THSD1: variants seen among roughly 807,000 people sequenced by gnomAD.
THSD1 encodes thrombospondin type 1 domain containing 1.
In THSD1, 34 loss-of-function variants were observed where a neutral mutation model predicts 46.3. That is an observed-to-expected ratio of 0.74 (90% CI 0.56 to 0.98). The LOEUF (loss-of-function observed/expected upper bound fraction) is 0.98, where lower values mean the gene tolerates loss of function less well. Among genes scored for constraint, THSD1 ranks in the 50% least tolerant of loss-of-function variants. THSD1 has a pLI of 0.00. For missense variants in THSD1, 1,023 were observed against 1,058.3 expected (o/e 0.97, Z 0.46); for synonymous variants, 407 against 416.5 (o/e 0.98, Z 0.28).
chr13:52,397,563 G>C lies in THSD1; in HGVS notation c.690C>G (p.Ser230=). The C allele has an allele frequency of 6.2e-7, 1 of 1,614,042 alleles. No individual in the cohort carries two copies. The highest frequency in any genetic ancestry group is 2.2e-5 in the East Asian group (1 of 44,878). ...KLLGRDSVIT[S]TGPIDLAQKF... is the part of the protein sequence containing the mutation. The stretch of plus-strand genomic sequence containing the variant: ...TCTGGGCCAGGTCAATGGGTCCTGT[G>C]GAGGTAATGACTGAGTCTCGCCCAA... Residue 230 remains serine, a synonymous_variant, in exon 3 of 5, where the codon TCC becomes TCG. Transcript: ENST00000258613.
chr13:52,381,569 T>A (rs1214957136), intron 4 of THSD1, among the ~76,000 whole-genome samples: 2 of 152,160 alleles, frequency 1.3e-5, no homozygotes, highest in African/African-American at 4.8e-5. Context: ...CTCTGCCCCA[T>A]AAACTTATTA....
chr13:52,394,005 T>C (rs1957792256), intron 3 of THSD1, among the ~76,000 whole-genome samples: 1 of 152,162 alleles, frequency 6.6e-6, no homozygotes, highest in Non-Finnish European at 1.5e-5. Flanking sequence ...ATTGTTCTAA[T>C]GTGTCTCGCA....
In THSD1 at chr13:52,398,079, A is replaced by G. The variant is rs773940068; in HGVS notation, c.174T>C (p.Asn58=). 11 of 1,614,056 alleles carry G rather than the reference A, an allele frequency of 6.8e-6. No individual in the cohort carries two copies. Among genetic ancestry groups the G allele is most frequent in the Non-Finnish European group, 9.3e-6 (11 of 1,180,036 alleles). Residue 58 remains asparagine (N), a synonymous_variant, in exon 3 of 5, where the codon AAT becomes AAC. Coordinates refer to ENST00000258613, the MANE Select transcript of THSD1 (RefSeq NM_018676.4). The stretch of plus-strand genomic sequence containing the variant: ...TGGCCTCCAACAGCAGGACAGATAC[A>G]TTCCTCAGTGTCCCATTAGCACCAT... ...YFDGANGTLR[N]VSVLLLEANT...
In THSD1 at chr13:52,377,771, C is replaced by G; in HGVS notation, c.2199G>C (p.Gln733His). 6.2e-7 allele frequency: 1 copy of G among 1,614,158 alleles called. No individual in the cohort carries two copies. The highest frequency in any genetic ancestry group is 8.5e-7 in the Non-Finnish European group (1 of 1,180,038). The part of the protein sequence containing the change: ...NPLPKSYTLG[Q>H]PLRKPDLGDH... Reference sequence around the variant, plus strand: ...CCCCAAGGTCTGGTTTCCTCAAGGGCTGCCCCAAAGTGTAGGATTTAGGGA... The same window carrying G: ...CCCCAAGGTCTGGTTTCCTCAAGGGGTGCCCCAAAGTGTAGGATTTAGGGA... Residue 733 changes from glutamine (Q) to histidine (H), a missense_variant, in exon 5 of 5, where the codon CAG (glutamine) becomes CAC (histidine). Physicochemically the swap from Gln to His is conservative, Grantham distance 24 (BLOSUM62 0). Transcript: ENST00000258613.
Position 52,377,666 on chromosome 13 carries a change from C to G in THSD1, c.2304G>C (p.Lys768Asn), listed in dbSNP as rs1292123599. ...RARRGPSPSH[K>N]SVSRKQSSPI... ...GAGAAGACTGCTTCCTTGAGACACT[C>G]TTGTGACTGGGGGACGGTCCCCGAC... Residue 768 changes from lysine to asparagine, a missense_variant, in exon 5 of 5, where the codon AAG becomes AAC. Around this residue, in one of 3 missense-constraint regions of THSD1, gnomAD observed 578 missense variants for 497.4 expected, o/e 1.16. Transcript: ENST00000258613. The G allele has an allele frequency of 6.2e-7, 1 of 1,610,104 alleles. No homozygotes were observed. The highest frequency in any genetic ancestry group is 2.2e-5 in the East Asian group (1 of 44,756).
At position 52,378,668 on chromosome 13, in the gene THSD1, C is replaced by T. The variant is rs751283275; in HGVS notation, c.1302G>A (p.Thr434=). Residue 434 remains threonine, a synonymous_variant, in exon 5 of 5, where the codon ACG becomes ACA. Coordinates refer to ENST00000258613, the MANE Select transcript of THSD1 (RefSeq NM_018676.4). The part of the protein sequence containing the change: ...LFIIIATVLI[T]LWRRFGRPAK... ...CTGGCCGGCCGAACCTCCTCCACAGCGTGATGAGCACAGTGGCAATGATGA... is the reference window on the plus strand; with the variant it reads ...CTGGCCGGCCGAACCTCCTCCACAGTGTGATGAGCACAGTGGCAATGATGA... The T allele has an allele frequency of 3.1e-6, 5 of 1,614,032 alleles. No individual in the cohort carries two copies. In the East Asian group the frequency reaches 6.7e-5, roughly 22 times the overall value.
intron 3 of THSD1, among the ~76,000 whole-genome samples, chr13:52,392,520 G>A (rs912577683): frequency 6.6e-6 from 1 of 152,198 alleles, no homozygotes; most frequent in Admixed American, 6.5e-5. Context: ...CTTCACGAAT[G>A]AAAAGCTGTT....
intron 4 of THSD1, among the ~76,000 whole-genome samples, chr13:52,383,529 G>GTAA (rs1957707713): frequency 6.6e-6 from 1 of 152,312 alleles, no homozygotes; most frequent in East Asian, 1.9e-4. Context: ...ATGACAGTGG[G>GTAA]TAGCAGCATT....
intron 2 of THSD1, 105 bp downstream of exon 2, chr13:52,402,438 C>A: frequency 8.9e-7 from 1 of 1,120,712 alleles, no homozygotes; most frequent in Non-Finnish European, 1.3e-6. Flanking sequence ...CACTATATAC[C>A]CTACCCTGCC....
At chr13:52,382,067 T>G (rs978025781) in intron 4 of THSD1, among the ~76,000 whole-genome samples, 19 of 152,220 alleles carry the variant, frequency 1.2e-4, no homozygotes, top group Admixed American at 3.3e-4. Flanking sequence ...TTATGTAATT[T>G]AGAGAGAAGA....
At chr13:52,381,243 T>G (rs1003592230) in intron 4 of THSD1, among the ~76,000 whole-genome samples, 5 of 152,174 alleles carry the variant, frequency 3.3e-5, no homozygotes, top group African/African-American at 1.2e-4. Context: ...TGACCTCTAA[T>G]ACTGAGCTAT....
chr13:52,388,803 T>C (rs542823418), intron 3 of THSD1, among the ~76,000 whole-genome samples: 2 of 152,002 alleles, frequency 1.3e-5, no homozygotes, highest in Non-Finnish European at 2.9e-5. Flanking sequence ...TAATAGCATA[T>C]ATAAAGTAAA....
Position 52,377,773 on chromosome 13 carries a change from G to C in THSD1, c.2197C>G (p.Gln733Glu), listed in dbSNP as rs773298249. Residue 733 changes from glutamine (Q) to glutamate (E), a missense_variant, in exon 5 of 5, where the codon CAG becomes GAG. Gln to Glu is a conservative substitution (Grantham distance 29). Coordinates refer to ENST00000258613, the MANE Select transcript of THSD1 (RefSeq NM_018676.4). ...CCAAGGTCTGGTTTCCTCAAGGGCT[G>C]CCCCAAAGTGTAGGATTTAGGGAGA... is the stretch of plus-strand genomic sequence containing the variant. ...NPLPKSYTLG[Q>E]PLRKPDLGDH... 3.1e-6 allele frequency: 5 copies of C among 1,614,170 alleles called. No individual in the cohort carries two copies. Among genetic ancestry groups the C allele is most frequent in the Non-Finnish European group, 3.4e-6 (4 of 1,180,036 alleles).
intron 1 of THSD1, among the ~76,000 whole-genome samples, chr13:52,405,327 C>G (rs920855683): frequency 6.6e-5 from 10 of 152,204 alleles, no homozygotes; most frequent in Admixed American, 5.9e-4. Flanking sequence ...ATGAATTACA[C>G]TAATGTCCAT....
At chr13:52,401,735 C>T (rs1957864380) in intron 2 of THSD1, among the ~76,000 whole-genome samples, 1 of 152,196 alleles carries the variant, frequency 6.6e-6, no homozygotes, top group South Asian at 2.1e-4. Context: ...GGCTCTGGTC[C>T]ATTTAACCAG....
At chr13:52,402,740 T>A (rs1246323260) in intron 1 of THSD1, 59 bp from the exon 2 acceptor site, 11 of 1,425,282 alleles carry the variant, frequency 7.7e-6, no homozygotes, top group Non-Finnish European at 9.2e-6. Flanking sequence ...AAAATAGTAA[T>A]CATTAAATGA....
intron 4 of THSD1, among the ~76,000 whole-genome samples, chr13:52,381,860 G>A (rs1056180924): frequency 2.0e-5 from 3 of 152,114 alleles, no homozygotes; most frequent in Admixed American, 6.5e-5. Flanking sequence ...GAAAAGAGGG[G>A]TCTGCATTTG....
At chr13:52,389,227 T>C (rs1184673506) in intron 3 of THSD1, among the ~76,000 whole-genome samples, 1 of 152,156 alleles carries the variant, frequency 6.6e-6, no homozygotes, top group African/African-American at 2.4e-5. Context: ...CCTCCCAAAA[T>C]GCTGGGATTA....
Position 52,397,395 on chromosome 13 carries a change from G to A in THSD1, c.858C>T (p.Thr286=), listed in dbSNP as rs17610037. The change falls in exon 3 of 5, where the codon ACC becomes ACT. Residue 286 remains threonine, a synonymous_variant. Transcript: ENST00000258613. ...KEAPRYPGKR[T]IHLAENSLPL... ...GCAGGCTGTTTTCAGCCAAGTGAAT[G>A]GTCCTCTTCCCAGGGTATCTGGGGG... The A allele has an allele frequency of 1.2e-3, 1,931 of 1,614,072 alleles. 13 individuals carry two copies. Among genetic ancestry groups the A allele is most frequent in the African/African-American group, 0.011 (809 of 75,006 alleles).
Sources: gnomAD v4.1 joint callset for allele counts (sites outside exome capture counted in the v4.1 genomes callset) on GRCh38, gnomAD v4.1.1 for gene constraint, gnomAD v4.1.1 regional missense constraint, MANE v1.5 for transcripts, NCBI Gene and HGNC (gene_info 2026-07-23, HGNC 2026-07-21) for gene names.